Variants in RORA observed in about 807,000 individuals in gnomAD.
RORA encodes the protein RAR related orphan receptor A.
In RORA, 7 loss-of-function variants were observed where a neutral mutation model predicts 69.5. The observed-to-expected ratio is 0.10, with a 90% CI of 0.06 to 0.19. The LOEUF (loss-of-function observed/expected upper bound fraction) is 0.19, where lower values mean the gene tolerates loss of function less well. Among genes scored for constraint, RORA ranks in the 10% least tolerant of loss-of-function variants. The pLI, the probability that RORA is intolerant of heterozygous loss-of-function variation, is 1.00. For missense variants in RORA, 457 were observed against 663.0 expected (o/e 0.69, Z 3.41); for synonymous variants, 261 against 240.8 (o/e 1.08, Z -0.78).
intron 1 of RORA, among the ~76,000 whole-genome samples, chr15:60,728,803 G>A (rs770860920): frequency 6.6e-6 from 1 of 152,190 alleles, no homozygotes; most frequent in Non-Finnish European, 1.5e-5. Context: ...TGTAGTAGGG[G>A]AGGTAACTCA....
chr15:60,896,959 A>G (rs13313486), intron 1 of RORA, among the ~76,000 whole-genome samples: 48,650 of 151,882 alleles, frequency 0.32, 8,109 homozygotes, highest in South Asian at 0.42. Context: ...TCAGGGAGAG[A>G]TGGTCAGGAC....
At chr15:61,221,215 G>A (rs1236027882) in intron 1 of RORA, among the ~76,000 whole-genome samples, 2 of 152,164 alleles carry the variant, frequency 1.3e-5, no homozygotes, top group East Asian at 3.8e-4. Flanking sequence ...TATGTTTTGG[G>A]ATCAAGAGGA....
At chr15:60,925,455 T>C (rs1323428813) in intron 1 of RORA, among the ~76,000 whole-genome samples, 1 of 152,236 alleles carries the variant, frequency 6.6e-6, no homozygotes, top group Non-Finnish European at 1.5e-5. Flanking sequence ...CTACTCTGTT[T>C]CTCCTCCACC....
At chr15:60,879,942 T>C (rs1242810958) in intron 1 of RORA, among the ~76,000 whole-genome samples, 1 of 152,228 alleles carries the variant, frequency 6.6e-6, no homozygotes, top group Admixed American at 6.5e-5. Context: ...AATGTGGGAT[T>C]GTCACTGGGT....
intron 1 of RORA, among the ~76,000 whole-genome samples, chr15:61,163,879 T>C (rs781587686): frequency 6.6e-6 from 1 of 152,194 alleles, no homozygotes; most frequent in African/African-American, 2.4e-5. Context: ...ATGATCCACA[T>C]AGAGAAACCT....
chr15:60,513,078 C>T (rs1167199013), intron 4 of RORA, among the ~76,000 whole-genome samples: 1 of 152,154 alleles, frequency 6.6e-6, no homozygotes. Flanking sequence ...GGAACCAAGG[C>T]CCTCACAGTG....
intron 1 of RORA, among the ~76,000 whole-genome samples, chr15:61,211,020 C>T (rs1355105464): frequency 6.6e-6 from 1 of 152,204 alleles, no homozygotes; most frequent in Non-Finnish European, 1.5e-5. Context: ...TAGATTTCAT[C>T]TTGTGTGAGT....
chr15:61,070,874 T>C (rs550746750), intron 1 of RORA, among the ~76,000 whole-genome samples: 1 of 152,164 alleles, frequency 6.6e-6, no homozygotes, highest in East Asian at 2.0e-4. Flanking sequence ...GCATGCAAAA[T>C]ATAGCTTCTA....
chr15:60,585,337 G>C (rs1005782517), intron 2 of RORA, among the ~76,000 whole-genome samples: 2 of 152,110 alleles, frequency 1.3e-5, no homozygotes, highest in Non-Finnish European at 2.9e-5. Flanking sequence ...ACCTCATGCA[G>C]AGTTTCTGAC....
At chr15:61,104,575 A>G (rs1221863621) in intron 1 of RORA, among the ~76,000 whole-genome samples, 1 of 152,184 alleles carries the variant, frequency 6.6e-6, no homozygotes, top group Non-Finnish European at 1.5e-5. Context: ...TCAATTGTCT[A>G]TAAGGTCCTG....
chr15:60,974,692 G>C (rs1893827100), intron 1 of RORA, among the ~76,000 whole-genome samples: 2 of 152,170 alleles, frequency 1.3e-5, no homozygotes, highest in Admixed American at 1.3e-4. Flanking sequence ...TCCCAAACAA[G>C]GCCCCCCAAA....
intron 1 of RORA, among the ~76,000 whole-genome samples, chr15:60,813,197 C>T (rs2072767269): frequency 6.6e-6 from 1 of 152,166 alleles, no homozygotes; most frequent in African/African-American, 2.4e-5. Flanking sequence ...AGCCTCACGG[C>T]CCCAACCCAG....
intron 1 of RORA, among the ~76,000 whole-genome samples, chr15:60,772,189 T>C (rs2072086228): frequency 1.3e-5 from 2 of 152,156 alleles, no homozygotes; most frequent in Non-Finnish European, 2.9e-5. Flanking sequence ...ATATTTCTCC[T>C]AACGCTATCC....
At chr15:60,873,571 A>G (rs1264529332) in intron 1 of RORA, among the ~76,000 whole-genome samples, 1 of 152,166 alleles carries the variant, frequency 6.6e-6, no homozygotes, top group Non-Finnish European at 1.5e-5. Context: ...ACATAATGAG[A>G]ATGACAACAT....
At chr15:61,206,263 G>A (rs2079940433) in intron 1 of RORA, among the ~76,000 whole-genome samples, 1 of 152,130 alleles carries the variant, frequency 6.6e-6, no homozygotes, top group East Asian at 1.9e-4. Flanking sequence ...GAGGGAGAGA[G>A]GAAGGAAGAA....
At chr15:60,730,856 A>AT (rs56829764) in intron 1 of RORA, among the ~76,000 whole-genome samples, 6,994 of 146,900 alleles carry the variant, frequency 0.048, 419 homozygotes, top group African/African-American at 0.14. Context: ...TAGGAAAAGA[A>AT]TTTTTTTTTT....
At chr15:60,801,919 GTTTTATTTGA>G (rs371416906) in intron 1 of RORA, among the ~76,000 whole-genome samples, 62 of 152,150 alleles carry the variant, frequency 4.1e-4, no homozygotes, top group African/African-American at 1.5e-3. Flanking sequence ...ATTTCATCTT[GTTTTATTTGA>G]CATTGCAACC....
At chr15:60,925,262 G>A (rs1448416663) in intron 1 of RORA, among the ~76,000 whole-genome samples, 1 of 152,058 alleles carries the variant, frequency 6.6e-6, no homozygotes, top group Non-Finnish European at 1.5e-5. Context: ...TCAGTTTCTT[G>A]GTGCTGGAAC....
chr15:61,089,317 A>T (rs1251902522), intron 1 of RORA, among the ~76,000 whole-genome samples: 1 of 152,344 alleles, frequency 6.6e-6, no homozygotes, highest in East Asian at 1.9e-4. Context: ...TTTATGTGAG[A>T]GGGAATTCCA....
Sources: allele counts gnomAD v4.1 joint callset (sites outside exome capture counted in the v4.1 genomes callset), GRCh38; gene constraint gnomAD v4.1.1; transcripts MANE v1.5; gene names NCBI Gene and HGNC (gene_info 2026-07-23, HGNC 2026-07-21).